Variants in FGF13 observed in about 807,000 individuals in gnomAD.
FGF13 encodes the protein fibroblast growth factor homologous factor 2.
Under a neutral mutation model 19.5 loss-of-function variants are expected in FGF13, and 2 were observed. The observed-to-expected ratio is 0.10, with a 90% CI of 0.04 to 0.32. The LOEUF is 0.32. FGF13 is among the 10% of genes least tolerant of loss of function. The pLI, the probability that FGF13 is intolerant of heterozygous loss-of-function variation, is 1.00. For missense variants in FGF13, 113 were observed against 192.7 expected, an observed-to-expected ratio of 0.59 and a Z score of 2.45; for synonymous variants, 72 against 76.9, an observed-to-expected ratio of 0.94 and a Z score of 0.33.
At chrX:139,120,354 G>T (rs1294516217) in intron 1 of FGF13, among the ~76,000 whole-genome samples, 1 of 112,046 alleles carries the variant, frequency 8.9e-6, no homozygotes, top group African/African-American at 3.2e-5. Flanking sequence ...TCACTGTATT[G>T]TATTACCTCT....
chrX:139,069,537 G>A (rs754792294), intron 1 of FGF13, among the ~76,000 whole-genome samples: 16 of 97,223 alleles, frequency 1.6e-4, no homozygotes, highest in African/African-American at 4.1e-4. Context: ...TGGGTGCAGC[G>A]CCCCAGCATG....
At chrX:139,022,737 C>T (rs2092183073) in intron 1 of FGF13, among the ~76,000 whole-genome samples, 1 of 111,064 alleles carries the variant, frequency 9.0e-6, no homozygotes, top group African/African-American at 3.3e-5. Flanking sequence ...ATGAAAGAGC[C>T]TCTGCAATCA....
intron 3 of FGF13, among the ~76,000 whole-genome samples, chrX:138,640,432 A>C (rs1266109075): frequency 8.9e-6 from 1 of 112,273 alleles, no homozygotes; most frequent in South Asian, 3.7e-4. Context: ...ATAAATTGTT[A>C]TTCTCTGTTA....
intron 3 of FGF13, among the ~76,000 whole-genome samples, chrX:138,807,551 T>G (rs770709731): frequency 9.0e-6 from 1 of 111,385 alleles, no homozygotes; most frequent in African/African-American, 3.3e-5. Flanking sequence ...AGCAAAATAA[T>G]CAGCTAACAT....
intron 3 of FGF13, among the ~76,000 whole-genome samples, chrX:138,763,717 A>C (rs1264957107): frequency 9.0e-6 from 1 of 111,591 alleles, no homozygotes; most frequent in Non-Finnish European, 1.9e-5. Context: ...CCTTTAAGTC[A>C]CCAGCTGTAA....
chrX:139,200,797 C>T (rs1323376742), intron 1 of FGF13, among the ~76,000 whole-genome samples: 3 of 112,520 alleles, frequency 2.7e-5, no homozygotes, highest in Non-Finnish European at 5.6e-5. Flanking sequence ...ACAAGATTTC[C>T]GATGCCACAG....
intron 1 of FGF13, among the ~76,000 whole-genome samples, chrX:138,992,108 ATG>A (rs764359727): frequency 1.9e-4 from 2 of 10,302 alleles, no homozygotes; most frequent in Non-Finnish European, 3.9e-4. Flanking sequence ...ATATATATAC[ATG>A]TGTGTGTGTG....
intron 3 of FGF13, among the ~76,000 whole-genome samples, chrX:138,848,528 T>C (rs1377366618): frequency 1.8e-5 from 2 of 112,126 alleles, no homozygotes; most frequent in Middle Eastern, 4.6e-3. Flanking sequence ...TAATTATTTC[T>C]TCTCAAGAAA....
chrX:138,930,397 A>G (rs927486238), intron 1 of FGF13, among the ~76,000 whole-genome samples: 13 of 112,537 alleles, frequency 1.2e-4, no homozygotes, highest in Admixed American at 7.5e-4. Context: ...ATGTTCACAT[A>G]AACAAGGCAG....
chrX:138,881,220 C>T (rs1020191426), intron 1 of FGF13, among the ~76,000 whole-genome samples: 3 of 111,300 alleles, frequency 2.7e-5, no homozygotes, highest in Admixed American at 9.6e-5. Flanking sequence ...ATTTCCTTTT[C>T]GGATTTTTCA....
intron 1 of FGF13, among the ~76,000 whole-genome samples, chrX:138,717,301 G>T (rs945426944): frequency 4.5e-5 from 5 of 111,733 alleles, no homozygotes; most frequent in Non-Finnish European, 9.4e-5. Context: ...TAATATGTGG[G>T]GATTTAAGTT....
At chrX:138,966,542 A>G (rs1485343617) in intron 1 of FGF13, among the ~76,000 whole-genome samples, 1 of 112,231 alleles carries the variant, frequency 8.9e-6, no homozygotes, top group African/African-American at 3.2e-5. Context: ...GAAGGGGTGT[A>G]TTTACCCAAT....
intron 1 of FGF13, among the ~76,000 whole-genome samples, chrX:139,192,896 C>T (rs1024616172): frequency 8.9e-6 from 1 of 111,734 alleles, no homozygotes; most frequent in African/African-American, 3.3e-5. Context: ...AAGTCTGTTT[C>T]CCTAAGAAAA....
chrX:138,993,977 G>A (rs1447566582), intron 1 of FGF13, among the ~76,000 whole-genome samples: 2 of 111,186 alleles, frequency 1.8e-5, no homozygotes, highest in Admixed American at 1.9e-4. Flanking sequence ...AAAATTACTG[G>A]AACAATTTCT....
intron 1 of FGF13, among the ~76,000 whole-genome samples, chrX:138,955,507 G>A (rs1283829292): frequency 8.9e-6 from 1 of 111,829 alleles, no homozygotes; most frequent in Non-Finnish European, 1.9e-5. Flanking sequence ...ATGAAAGCAT[G>A]GAGGCCCAAC....
intron 1 of FGF13, among the ~76,000 whole-genome samples, chrX:138,982,121 G>C (rs1409993123): frequency 9.0e-6 from 1 of 111,664 alleles, no homozygotes; most frequent in African/African-American, 3.3e-5. Flanking sequence ...AATCAAGGTT[G>C]GGAGAAGGTC....
chrX:138,687,528 A>G (rs1333535119), intron 3 of FGF13, among the ~76,000 whole-genome samples: 1 of 112,248 alleles, frequency 8.9e-6, no homozygotes, highest in Middle Eastern at 4.6e-3. Flanking sequence ...ATGTGAAGGA[A>G]GGAGAATCCT....
chrX:139,024,153 T>G (rs1401761802), intron 1 of FGF13, among the ~76,000 whole-genome samples: 1 of 111,170 alleles, frequency 9.0e-6, no homozygotes, highest in Non-Finnish European at 1.9e-5. Context: ...AAAGCAGGAA[T>G]CAATGAAATC....
chrX:138,852,842 C>T (rs776234736), downstream of FGF13, among the ~76,000 whole-genome samples: 1 of 110,948 alleles, frequency 9.0e-6, no homozygotes, highest in Non-Finnish European at 1.9e-5. Flanking sequence ...CTAAAAGGAA[C>T]TTAAACAAAT....
Sources: gnomAD v4.1 joint callset for allele counts (sites outside exome capture counted in the v4.1 genomes callset) on GRCh38, gnomAD v4.1.1 for gene constraint, MANE v1.5 for transcripts, NCBI Gene and HGNC (gene_info 2026-07-23, HGNC 2026-07-21) for gene names.